The following SEL1L2 variants were observed in gnomAD, a reference collection of about 807,000 sequenced individuals.
The protein encoded by SEL1L2 is SEL1L2 adaptor subunit of SYVN1 ubiquitin ligase.
In SEL1L2, 89 loss-of-function variants were observed where a neutral mutation model predicts 98.8. The ratio of observed to expected loss-of-function variants is 0.90; its 90% CI spans 0.76 to 1.07. The LOEUF is 1.07. Ranked by LOEUF, SEL1L2 falls within the 50% of genes least tolerant of loss-of-function variation. The pLI, the probability that SEL1L2 is intolerant of heterozygous loss-of-function variation, is 0.00. For missense variants in SEL1L2, 788 were observed against 812.0 expected (o/e 0.97, Z 0.36); for synonymous variants, 262 against 278.5 (o/e 0.94, Z 0.59).
chr20:13,934,960 C>T (rs1171557903), intron 2 of SEL1L2, among the ~76,000 whole-genome samples: 1 of 152,114 alleles, frequency 6.6e-6, no homozygotes, highest in Non-Finnish European at 1.5e-5. Flanking sequence ...AAGCATCCTG[C>T]ACTCTCTAGT....
chr20:13,881,267 T>C (rs1360463343), intron 10 of SEL1L2, among the ~76,000 whole-genome samples: 2 of 152,182 alleles, frequency 1.3e-5, no homozygotes, highest in East Asian at 3.9e-4. Context: ...CCGCCTCAGC[T>C]TCCCAAAGTA....
intron 3 of SEL1L2, among the ~76,000 whole-genome samples, chr20:13,921,167 T>C (rs1027132667): frequency 5.9e-5 from 9 of 152,236 alleles, no homozygotes; most frequent in Admixed American, 5.9e-4. Context: ...TTTTTTGGCT[T>C]TCCAAATGTA....
rs1305843770 is a variant in SEL1L2, at chr20:13,886,177, C to T, written c.900+111G>A. Reference sequence around the variant, plus strand: ...AGGGTGAGAGAGGAGGGCGGGTCTCCCCCCATTCCTATTTAGGATGGGGCA... The same window carrying T: ...AGGGTGAGAGAGGAGGGCGGGTCTCTCCCCATTCCTATTTAGGATGGGGCA... On this transcript the variant is annotated intron_variant, in intron 9 of 19. Coordinates refer to ENST00000284951, the MANE Select transcript of SEL1L2 (RefSeq NM_025229.2). 4 of 665,228 alleles carry T rather than the reference C, an allele frequency of 6.0e-6. No individual in the cohort carries two copies. The East Asian group carries it at 9.0e-5, about 15-fold the overall frequency. The allele number at this position is 665,228 out of a possible 1,614,324, so 41.2% of individuals were successfully genotyped here. A position where few individuals can be genotyped will look rare whatever the true frequency, so the allele number is the denominator to read the frequency against.
chr20:13,987,409 G>A (rs1382511142), intron 1 of SEL1L2, among the ~76,000 whole-genome samples: 1 of 150,618 alleles, frequency 6.6e-6, no homozygotes, highest in Non-Finnish European at 1.5e-5. Flanking sequence ...GCAGTGGTGC[G>A]ATCTCGGCTC....
chr20:13,902,363 A>G (rs1320652870), intron 5 of SEL1L2, among the ~76,000 whole-genome samples: 1 of 152,220 alleles, frequency 6.6e-6, no homozygotes, highest in Non-Finnish European at 1.5e-5. Context: ...GGCAAGATAA[A>G]TACTTGACTC....
upstream of SEL1L2, among the ~76,000 whole-genome samples, chr20:13,991,719 G>A (rs983953673): frequency 1.2e-4 from 18 of 152,292 alleles, no homozygotes; most frequent in Non-Finnish European, 2.2e-4. Flanking sequence ...TTGGCTGGGC[G>A]TGGCAGCTCA....
rs114519444 is a variant in SEL1L2 at position 13,944,313 on chromosome 20, G to A, written c.114+11763C>T. ...TCTTAAGTGTAATGCAATACATACC[G>A]TGAGGTGAATAGGCTGCAATAGAGC... On this transcript the variant is annotated intron_variant, in intron 2 of 19. Coordinates refer to ENST00000284951, the MANE Select transcript of SEL1L2 (RefSeq NM_025229.2). Among the ~76,000 whole-genome samples, 197 of 152,316 alleles carry A rather than the reference G, an allele frequency of 1.3e-3. 1 individual carries two copies. The highest frequency in any genetic ancestry group is 4.3e-3 in the African/African-American group (180 of 41,572).
At chr20:13,919,971 G>C (rs1331810320) in intron 3 of SEL1L2, among the ~76,000 whole-genome samples, 1 of 148,378 alleles carries the variant, frequency 6.7e-6, no homozygotes, top group Non-Finnish European at 1.5e-5. Context: ...GCTCACTCCT[G>C]TAATCCCAGC....
intron 1 of SEL1L2, among the ~76,000 whole-genome samples, chr20:13,980,020 A>C (rs1364624457): frequency 6.6e-6 from 1 of 152,230 alleles, no homozygotes. Flanking sequence ...GAAAACAAAC[A>C]ACTTGATTAA....
rs762139088 is a variant in SEL1L2 at position 13,931,648 on chromosome 20, T to G, written c.238A>C (p.Lys80Gln). 2.7e-6 allele frequency: 4 copies of G among 1,489,292 alleles called. No individual in the cohort carries two copies. The African/African-American group carries it at 5.6e-5, about 21-fold the overall frequency. The allele number at this position is 1,489,292 out of a possible 1,614,324, so 92.3% of individuals were successfully genotyped here. The part of the protein sequence containing the change: ...KKKNQRKIRI[K>Q]GIQNKDILKR... ...AAGATATCTTTATTTTGAATTCCTT[T>G]TATTCTTATTTTACGTTGATTCTTC... is the stretch of plus-strand genomic sequence containing the variant. Residue 80 changes from lysine to glutamine, a missense_variant, in exon 3 of 20, where the codon AAA (lysine) becomes CAA (glutamine). Coordinates refer to ENST00000284951, the MANE Select transcript of SEL1L2 (RefSeq NM_025229.2).
chr20:13,980,238 C>CA (rs2051745222), intron 1 of SEL1L2, among the ~76,000 whole-genome samples: 1 of 152,136 alleles, frequency 6.6e-6, no homozygotes, highest in Non-Finnish European at 1.5e-5. Flanking sequence ...TTTTTTGAGA[C>CA]AGAGTCTTGC....
At chr20:13,948,247 GAAAT>G (rs1259292272) in intron 2 of SEL1L2, among the ~76,000 whole-genome samples, 1 of 144,120 alleles carries the variant, frequency 6.9e-6, no homozygotes, top group Non-Finnish European at 1.5e-5. Context: ...TTTTTTTTCA[GAAAT>G]AGAGATATTT....
At chr20:13,892,924 T>C (rs2047265554) in intron 5 of SEL1L2, among the ~76,000 whole-genome samples, 1 of 152,182 alleles carries the variant, frequency 6.6e-6, no homozygotes, top group African/African-American at 2.4e-5. Flanking sequence ...AACCAAGAGT[T>C]ATATGGCAGG....
At chr20:13,916,049 G>A (rs2048386882) in intron 4 of SEL1L2, among the ~76,000 whole-genome samples, 1 of 152,138 alleles carries the variant, frequency 6.6e-6, no homozygotes, top group Non-Finnish European at 1.5e-5. Flanking sequence ...GAGGCTTCCT[G>A]ACTCACTCAG....
intron 1 of SEL1L2, among the ~76,000 whole-genome samples, chr20:13,963,335 C>G (rs1038531189): frequency 1.6e-5 from 2 of 128,546 alleles, no homozygotes; most frequent in African/African-American, 5.9e-5. Context: ...CTCTTATATT[C>G]TTTCTCATTT....
Position 13,931,814 on chromosome 20 carries a change from T to A in SEL1L2, c.115-43A>T. On this transcript the variant is annotated intron_variant, in intron 2 of 19. Coordinates refer to ENST00000284951, the MANE Select transcript of SEL1L2 (RefSeq NM_025229.2). ...GTTGCTCATTTTGTTCATGTGTGAGTTTTTTTCAAATGAAACAACAGGAAA... is the reference window on the plus strand; with the variant it reads ...GTTGCTCATTTTGTTCATGTGTGAGATTTTTTCAAATGAAACAACAGGAAA... 2.1e-6 allele frequency: 3 copies of A among 1,414,878 alleles called. No individual in the cohort carries two copies. The African/African-American group carries it at 4.4e-5, about 21-fold the overall frequency. 87.6% of individuals were successfully genotyped at this position (1,414,878 alleles called of 1,614,324 possible).
chr20:13,951,874 C>T (rs2050295635), intron 2 of SEL1L2, among the ~76,000 whole-genome samples: 1 of 151,790 alleles, frequency 6.6e-6, no homozygotes, highest in African/African-American at 2.4e-5. Flanking sequence ...ACCAAGCAAT[C>T]TCCAGCTGCA....
chr20:13,860,412 A>C (rs117560693), intron 17 of SEL1L2, among the ~76,000 whole-genome samples: 1 of 152,272 alleles, frequency 6.6e-6, no homozygotes, highest in Non-Finnish European at 1.5e-5. Context: ...GATGACCTCC[A>C]TGCAGCCAAA....
intron 19 of SEL1L2, chr20:13,849,917 T>A: frequency 1.8e-6 from 1 of 552,600 alleles, no homozygotes. Flanking sequence ...AAGAAGTATA[T>A]ATAGCACATG....
Sources: gnomAD v4.1 joint callset for allele counts (sites outside exome capture counted in the v4.1 genomes callset) on GRCh38, gnomAD v4.1.1 for gene constraint, MANE v1.5 for transcripts, NCBI Gene and HGNC (gene_info 2026-07-23, HGNC 2026-07-21) for gene names.